Variants in LPP observed in about 807,000 individuals in gnomAD.
LPP encodes the protein lipoma-preferred partner.
In LPP, 38 loss-of-function variants were observed where a neutral mutation model predicts 60.4. That is an observed-to-expected ratio of 0.63 (90% CI 0.49 to 0.83). The LOEUF (loss-of-function observed/expected upper bound fraction) is 0.83. Among genes scored for constraint, LPP ranks in the 40% least tolerant of loss-of-function variants. LPP has a pLI of 0.00. For missense variants in LPP, 902 were observed against 783.6 expected, an observed-to-expected ratio of 1.15 and a Z score of -1.80; for synonymous variants, 328 against 290.8, an observed-to-expected ratio of 1.13 and a Z score of -1.30.
At chr3:188,216,305 T>C (rs1179812280) in intron 1 of LPP, among the ~76,000 whole-genome samples, 1 of 143,944 alleles carries the variant, frequency 6.9e-6, no homozygotes, top group African/African-American at 2.5e-5. Flanking sequence ...GGAGTCTCAC[T>C]CTCTTGCCTA....
chr3:188,727,754 G>A (rs1466612970), intron 8 of LPP, among the ~76,000 whole-genome samples: 4 of 152,088 alleles, frequency 2.6e-5, no homozygotes, highest in Non-Finnish European at 5.9e-5. Context: ...CAACAGGTAA[G>A]CATTCATATC....
Position 188,669,769 on chromosome 3 carries a change from T to C in LPP, c.1114-38498T>C, listed in dbSNP as rs537912136. On this transcript the variant is annotated intron_variant, in intron 7 of 11. Coordinates refer to ENST00000617246, the MANE Select transcript of LPP (RefSeq NM_001375462.1). ...CCCATTACTGGGTATACCCAAAGGA[T>C]TATAAATCATGCTACTATAAAGACA... 4.0e-5 allele frequency among the ~76,000 whole-genome samples: 6 copies of C among 150,638 alleles called. No homozygotes were observed. In the South Asian group the frequency reaches 1.2e-3, roughly 31 times the overall value.
At chr3:188,383,021 C>T (rs1026185806) in intron 3 of LPP, among the ~76,000 whole-genome samples, 1 of 152,176 alleles carries the variant, frequency 6.6e-6, no homozygotes, top group Non-Finnish European at 1.5e-5. Context: ...GAGGGTTACT[C>T]CTATATTTGG....
chr3:188,496,207 A>T (rs1458944816), intron 5 of LPP, among the ~76,000 whole-genome samples: 1 of 149,424 alleles, frequency 6.7e-6, no homozygotes, highest in African/African-American at 2.5e-5. Flanking sequence ...CTCACTGCAG[A>T]CTCCACCTCC....
chr3:188,203,273 T>C (rs1213906315), intron 1 of LPP, among the ~76,000 whole-genome samples: 3 of 122,706 alleles, frequency 2.4e-5, no homozygotes, highest in Non-Finnish European at 4.7e-5. Context: ...ATATATAATA[T>C]ATAATATAAT....
intron 2 of LPP, among the ~76,000 whole-genome samples, chr3:188,326,504 T>C (rs1017132190): frequency 1.8e-4 from 27 of 152,240 alleles, no homozygotes; most frequent in African/African-American, 6.5e-4. Context: ...CAAGTGCTGT[T>C]AAGGGGGCAT....
chr3:188,527,295 A>C (rs138291874), intron 6 of LPP, among the ~76,000 whole-genome samples: 2,951 of 141,064 alleles, frequency 0.021, 40 homozygotes, highest in South Asian at 0.053. Context: ...GGTTTCAGTG[A>C]GCCAGGATCA....
At position 188,495,064 on chromosome 3, in the gene LPP, T is replaced by TTATATATA. The variant is rs1192152538; in HGVS notation, c.306+10372_306+10379dup. ...CCTTGCTATTATAAGGTTCAGGATTTTATATATATATATATATATTTTATT... is the reference window on the plus strand; with the variant it reads ...CCTTGCTATTATAAGGTTCAGGATTTTATATATATATATATATATATATATATTTTATT... On this transcript the variant is annotated intron_variant, in intron 5 of 11. Transcript: ENST00000617246. Among the ~76,000 whole-genome samples the TTATATATA allele has an allele frequency of 1.6e-3, 84 of 53,876 alleles. 10 individuals carry two copies. Among genetic ancestry groups the TTATATATA allele is most frequent in the South Asian group, 0.014 (19 of 1,356 alleles). 35.3% of individuals were successfully genotyped at this position (53,876 alleles called of 152,430 possible). A position where few individuals can be genotyped will look rare whatever the true frequency, so the allele number is the denominator to read the frequency against.
chr3:188,567,812 C>A (rs1832557506), intron 6 of LPP, among the ~76,000 whole-genome samples: 2 of 151,928 alleles, frequency 1.3e-5, no homozygotes, highest in Non-Finnish European at 2.9e-5. Flanking sequence ...CCTGTTTAAT[C>A]TGATCATGTT....
intron 8 of LPP, among the ~76,000 whole-genome samples, chr3:188,746,202 T>G (rs1302852771): frequency 6.6e-6 from 1 of 152,184 alleles, no homozygotes; most frequent in Non-Finnish European, 1.5e-5. Context: ...CTTCCTAATA[T>G]GTACATATAT....
intron 5 of LPP, among the ~76,000 whole-genome samples, chr3:188,491,174 C>G (rs1808267639): frequency 1.3e-5 from 2 of 152,196 alleles, no homozygotes. Flanking sequence ...TGGCCACATT[C>G]ATTCATGAAC....
At chr3:188,363,620 T>C (rs181280290) in intron 3 of LPP, among the ~76,000 whole-genome samples, 156 of 152,190 alleles carry the variant, frequency 1.0e-3, no homozygotes, top group African/African-American at 3.6e-3. Context: ...AAGTACTCTG[T>C]CCTGGGCTGA....
chr3:188,656,927 A>C (rs1340401156), intron 7 of LPP, among the ~76,000 whole-genome samples: 5 of 152,100 alleles, frequency 3.3e-5, no homozygotes, highest in Non-Finnish European at 5.9e-5. Context: ...CAAGCTTTCC[A>C]ATATCCCTTG....
At position 188,363,902 on chromosome 3, in the gene LPP, T is replaced by TC. The variant is rs1387323990; in HGVS notation, c.-10+22186dup. Among the ~76,000 whole-genome samples the TC allele has an allele frequency of 5.2e-4, 17 of 32,902 alleles. No homozygotes were observed. The East Asian group carries it at 0.01, about 20-fold the overall frequency. The allele number at this position is 32,902 out of a possible 152,430, so 21.6% of individuals were successfully genotyped here. Reference sequence around the variant, plus strand: ...CCTGGACGAAAGAGTGAAAACTCCCTCCCAAAAAAAAAAAAAAAAAAAAAA... The same window carrying TC: ...CCTGGACGAAAGAGTGAAAACTCCCTCCCCAAAAAAAAAAAAAAAAAAAAAA... On this transcript the variant is annotated intron_variant, in intron 3 of 11. Coordinates refer to ENST00000617246, the MANE Select transcript of LPP (RefSeq NM_001375462.1).
At chr3:188,334,452 T>C (rs1761077521) in intron 2 of LPP, among the ~76,000 whole-genome samples, 1 of 115,294 alleles carries the variant, frequency 8.7e-6, no homozygotes, top group Admixed American at 1.1e-4. Context: ...TGAGACGGAG[T>C]TTTGCTGTGT....
intron 8 of LPP, among the ~76,000 whole-genome samples, chr3:188,728,287 GAAA>G (rs1344049125): frequency 6.6e-6 from 1 of 152,118 alleles, no homozygotes; most frequent in African/African-American, 2.4e-5. Context: ...TCACAAACAT[GAAA>G]ACAGAATGAA....
chr3:188,639,658 A>C (rs1335211147), intron 7 of LPP, among the ~76,000 whole-genome samples: 23 of 149,816 alleles, frequency 1.5e-4, no homozygotes, highest in Non-Finnish European at 2.2e-4. Flanking sequence ...ATGAACTCAA[A>C]CAAATTTACA....
chr3:188,808,750 C>T (rs9874620), intron 9 of LPP, among the ~76,000 whole-genome samples: 78,513 of 151,996 alleles, frequency 0.52, 21,299 homozygotes, highest in East Asian at 0.84. Flanking sequence ...TGTGCCCTGG[C>T]GGTTTGCTGC....
chr3:188,366,640 A>G (rs1381571173), intron 3 of LPP, among the ~76,000 whole-genome samples: 1 of 152,164 alleles, frequency 6.6e-6, no homozygotes, highest in Admixed American at 6.5e-5. Flanking sequence ...TGGAAACTCT[A>G]TTTTGTCATT....
Sources: gnomAD v4.1 joint callset for allele counts (sites outside exome capture counted in the v4.1 genomes callset) on GRCh38, gnomAD v4.1.1 for gene constraint, MANE v1.5 for transcripts, NCBI Gene and HGNC (gene_info 2026-07-23, HGNC 2026-07-21) for gene names.